The following NAALADL2 variants were observed in gnomAD, a reference collection of about 807,000 sequenced individuals.
NAALADL2 encodes the protein inactive N-acetylated-alpha-linked acidic dipeptidase-like protein 2.
A neutral mutation model predicts 87.2 loss-of-function variants in NAALADL2; 76 were observed. The observed-to-expected ratio is 0.87, with a 90% CI of 0.72 to 1.05. NAALADL2 has a LOEUF of 1.05. Among genes scored for constraint, NAALADL2 ranks in the 50% least tolerant of loss-of-function variants. NAALADL2 has a pLI of 0.00. For missense variants in NAALADL2, 1,089 were observed against 945.8 expected (o/e 1.15, Z -1.99); for synonymous variants, 354 against 331.0 (o/e 1.07, Z -0.75).
At chr3:174,557,993 G>C (rs1713066839) in intron 2 of NAALADL2, among the ~76,000 whole-genome samples, 1 of 152,100 alleles carries the variant, frequency 6.6e-6, no homozygotes, top group African/African-American at 2.4e-5. Context: ...TTTTTACTGG[G>C]GAGTGGTCAG....
At chr3:175,786,409 C>G (rs189443069) in intron 13 of NAALADL2, among the ~76,000 whole-genome samples, 13 of 152,264 alleles carry the variant, frequency 8.5e-5, no homozygotes, top group East Asian at 3.9e-4. Flanking sequence ...GCTTTTTACT[C>G]TTTTTTCTCT....
chr3:175,491,201 AAATAT>A (rs1181387971), intron 9 of NAALADL2, among the ~76,000 whole-genome samples: 4 of 118,136 alleles, frequency 3.4e-5, no homozygotes, highest in East Asian at 2.7e-4. Flanking sequence ...ATTGTCCTAT[AAATAT>A]AATAAAATAA....
chr3:175,250,253 C>CTGTGTGTG (rs147841608), intron 3 of NAALADL2, among the ~76,000 whole-genome samples: 1,507 of 146,162 alleles, frequency 0.01, 11 homozygotes, highest in African/African-American at 0.022. Flanking sequence ...CTCACTTTTT[C>CTGTGTGTG]TGTGTGTGTG....
At chr3:174,576,503 C>T (rs1715543312) in intron 2 of NAALADL2, among the ~76,000 whole-genome samples, 1 of 152,038 alleles carries the variant, frequency 6.6e-6, no homozygotes, top group East Asian at 1.9e-4. Context: ...TCTAATATTT[C>T]TATTTAGATA....
At chr3:174,546,639 G>A (rs1406554991) in intron 1 of NAALADL2, among the ~76,000 whole-genome samples, 3 of 152,104 alleles carry the variant, frequency 2.0e-5, no homozygotes, top group Admixed American at 6.6e-5. Flanking sequence ...TGTGACAGGT[G>A]TTTTTTGTTG....
At chr3:175,455,362 T>G (rs1409635378) in intron 6 of NAALADL2, among the ~76,000 whole-genome samples, 1 of 152,018 alleles carries the variant, frequency 6.6e-6, no homozygotes, top group Non-Finnish European at 1.5e-5. Flanking sequence ...GCAGCAAAGA[T>G]AGTGCTTCAG....
At chr3:174,847,529 T>C (rs1183854117) in intron 3 of NAALADL2, among the ~76,000 whole-genome samples, 2 of 152,142 alleles carry the variant, frequency 1.3e-5, no homozygotes, top group African/African-American at 4.8e-5. Flanking sequence ...CAGTTGAACA[T>C]ATTTGTCTGA....
chr3:174,469,351 G>A (rs1247505326), intron 1 of NAALADL2, among the ~76,000 whole-genome samples: 7 of 151,226 alleles, frequency 4.6e-5, no homozygotes, highest in Admixed American at 2.0e-4. Flanking sequence ...TCAGCCTCCC[G>A]GGTTCAAGCG....
At chr3:174,498,099 A>G (rs1375751382) in intron 1 of NAALADL2, among the ~76,000 whole-genome samples, 4 of 152,174 alleles carry the variant, frequency 2.6e-5, no homozygotes, top group Non-Finnish European at 5.9e-5. Context: ...AAGTTTTGAC[A>G]TATGTTTATA....
At chr3:174,557,055 C>T (rs988435789) in intron 2 of NAALADL2, among the ~76,000 whole-genome samples, 5 of 152,092 alleles carry the variant, frequency 3.3e-5, no homozygotes, top group Non-Finnish European at 7.4e-5. Flanking sequence ...TACATTTTTA[C>T]AGAAATATAT....
At chr3:175,011,290 G>A (rs1001005087) in intron 1 of NAALADL2, among the ~76,000 whole-genome samples, 2 of 146,810 alleles carry the variant, frequency 1.4e-5, no homozygotes, top group African/African-American at 5.2e-5. Context: ...CAGAGAGAGA[G>A]AGAGAGAGAG....
chr3:175,086,267 T>C (rs1169805353), intron 1 of NAALADL2, among the ~76,000 whole-genome samples: 1 of 152,212 alleles, frequency 6.6e-6, no homozygotes, highest in Non-Finnish European at 1.5e-5. Context: ...ATGAACTTTT[T>C]ATGGTCAGTT....
At chr3:174,442,015 T>G (rs1443379877) in intron 1 of NAALADL2, among the ~76,000 whole-genome samples, 1 of 152,104 alleles carries the variant, frequency 6.6e-6, no homozygotes, top group East Asian at 1.9e-4. Context: ...TGGTGTTGCT[T>G]CTGTTGAAGG....
At chr3:175,077,767 A>T (rs1716895840) in intron 1 of NAALADL2, among the ~76,000 whole-genome samples, 1 of 152,126 alleles carries the variant, frequency 6.6e-6, no homozygotes, top group Non-Finnish European at 1.5e-5. Context: ...TTACTTTTTT[A>T]AAAATATAAT....
rs376686640 is a variant in NAALADL2, at chr3:174,936,418, A to G, written c.43+76968A>G. On this transcript the variant is annotated intron_variant, in intron 1 of 13. Coordinates refer to ENST00000454872, the MANE Select transcript of NAALADL2 (RefSeq NM_207015.3). ...TGGAATATTTTGTTATAAAATGTCCATGAATTGTTTTCTGTACATAATACA... is the reference window on the plus strand; with the variant it reads ...TGGAATATTTTGTTATAAAATGTCCGTGAATTGTTTTCTGTACATAATACA... 1.1e-4 allele frequency among the ~76,000 whole-genome samples: 17 copies of G among 152,206 alleles called. No individual in the cohort carries two copies. The Middle Eastern group carries it at 0.01, about 91-fold the overall frequency.
At chr3:175,507,749 T>C (rs1438630348) in intron 9 of NAALADL2, among the ~76,000 whole-genome samples, 1 of 152,158 alleles carries the variant, frequency 6.6e-6, no homozygotes, top group African/African-American at 2.4e-5. Flanking sequence ...TGCTTTATTT[T>C]CCTACTTCAA....
chr3:174,905,275 A>T (rs1284506578), intron 1 of NAALADL2, among the ~76,000 whole-genome samples: 1 of 151,886 alleles, frequency 6.6e-6, no homozygotes, highest in African/African-American at 2.4e-5. Context: ...TTAAATGCTC[A>T]TTGTTCTGAG....
chr3:175,327,607 A>G (rs1760896004), intron 5 of NAALADL2, among the ~76,000 whole-genome samples: 2 of 152,220 alleles, frequency 1.3e-5, no homozygotes, highest in Admixed American at 1.3e-4. Flanking sequence ...GTTAGTACTT[A>G]GCTTTTATAT....
intron 1 of NAALADL2, among the ~76,000 whole-genome samples, chr3:174,874,755 A>T (rs1169311601): frequency 6.6e-6 from 1 of 152,148 alleles, no homozygotes; most frequent in Non-Finnish European, 1.5e-5. Flanking sequence ...TGAAATACAC[A>T]TGTGTCTTGA....
Sources: gnomAD v4.1 joint callset for allele counts (sites outside exome capture counted in the v4.1 genomes callset) on GRCh38, gnomAD v4.1.1 for gene constraint, MANE v1.5 for transcripts, NCBI Gene and HGNC (gene_info 2026-07-23, HGNC 2026-07-21) for gene names.